CDH13: variants seen among roughly 807,000 people sequenced by gnomAD.
CDH13 encodes cadherin 13, also known as cadherin-13.
CDH13 carries 24 observed loss-of-function variants against 63.8 expected under a neutral mutation model. That is an observed-to-expected ratio of 0.38 (90% CI 0.27 to 0.53). The LOEUF is 0.53. Among genes scored for constraint, CDH13 ranks in the 20% least tolerant of loss-of-function variants. CDH13 has a pLI of 0.85. For missense variants in CDH13, 1,049 were observed against 903.1 expected (o/e 1.16, Z -2.07); for synonymous variants, 503 against 355.3 (o/e 1.42, Z -4.67).
intron 1 of CDH13, among the ~76,000 whole-genome samples, chr16:82,657,171 TTA>T (rs35715061): frequency 0.17 from 25,481 of 152,028 alleles, 2,282 homozygotes; most frequent in Middle Eastern, 0.22. Flanking sequence ...CCTACATACA[TTA>T]TGTTTTTTTC....
intron 1 of CDH13, among the ~76,000 whole-genome samples, chr16:82,808,024 G>A (rs2037240140): frequency 6.6e-6 from 1 of 152,152 alleles, no homozygotes; most frequent in African/African-American, 2.4e-5. Context: ...TTCTTACTGA[G>A]CTCTAGGCAA....
Position 83,483,651 on chromosome 16 carries a change from G to C in CDH13, c.782-2826G>C, listed in dbSNP as rs146190992. ...GCCCTGGGTCAAGTGTACTTAACTG[G>C]AGACTGGTGTGGAATTGATGGGGTT... is the stretch of plus-strand genomic sequence containing the variant. On this transcript the variant is annotated intron_variant, in intron 6 of 13. Coordinates refer to ENST00000567109, the MANE Select transcript of CDH13 (RefSeq NM_001257.5). Among the ~76,000 whole-genome samples, 736 of 152,200 alleles carry C rather than the reference G, an allele frequency of 4.8e-3. 12 individuals carry two copies. Among genetic ancestry groups the C allele is most frequent in the African/African-American group, 0.017 (694 of 41,516 alleles).
At chr16:82,639,566 T>G (rs1909134051) in intron 1 of CDH13, 1 of 726,604 alleles carries the variant, frequency 1.4e-6, no homozygotes, top group Non-Finnish European at 2.3e-6. Flanking sequence ...CAAGCTACTC[T>G]TTGTAATTCT....
chr16:83,351,136 A>G (rs1040278394), intron 6 of CDH13, among the ~76,000 whole-genome samples: 1 of 152,282 alleles, frequency 6.6e-6, no homozygotes, highest in South Asian at 2.1e-4. Context: ...TACTTGTTGC[A>G]GTAACTGTGA....
chr16:83,571,591 T>A (rs1473693668), intron 7 of CDH13, among the ~76,000 whole-genome samples: 8 of 152,026 alleles, frequency 5.3e-5, no homozygotes, highest in Admixed American at 4.6e-4. Flanking sequence ...TACCAGATAA[T>A]CAAGAAATAT....
chr16:83,582,149 C>G (rs1335208433), intron 7 of CDH13, among the ~76,000 whole-genome samples: 2 of 152,254 alleles, frequency 1.3e-5, no homozygotes, highest in East Asian at 3.9e-4. Flanking sequence ...AGCAGGGTCC[C>G]AGGATCCTTG....
intron 6 of CDH13, among the ~76,000 whole-genome samples, chr16:83,449,972 C>T (rs2072837818): frequency 6.6e-6 from 1 of 152,164 alleles, no homozygotes; most frequent in African/African-American, 2.4e-5. Context: ...GACTGAATCA[C>T]CGGTCTTCGC....
chr16:83,509,719 G>A (rs934608922), intron 7 of CDH13, among the ~76,000 whole-genome samples: 1 of 152,246 alleles, frequency 6.6e-6, no homozygotes, highest in South Asian at 2.1e-4. Flanking sequence ...CCTTTTTGGT[G>A]GTAGTAAAAA....
At chr16:82,939,550 C>T (rs892195490) in intron 2 of CDH13, among the ~76,000 whole-genome samples, 6 of 152,106 alleles carry the variant, frequency 3.9e-5, no homozygotes, top group African/African-American at 1.4e-4. Context: ...AAAGCGAATA[C>T]TCAGGTGAGA....
intron 6 of CDH13, among the ~76,000 whole-genome samples, chr16:83,422,404 A>G (rs2071743888): frequency 6.6e-6 from 1 of 152,224 alleles, no homozygotes; most frequent in Admixed American, 6.5e-5. Flanking sequence ...ATCCAATTCT[A>G]AGTTGGACAC....
intron 1 of CDH13, among the ~76,000 whole-genome samples, chr16:82,631,715 T>C (rs1388058721): frequency 6.6e-6 from 1 of 152,214 alleles, no homozygotes; most frequent in African/African-American, 2.4e-5. Context: ...CACTCAGCAG[T>C]GGCCTTATTC....
chr16:83,215,986 C>G (rs936517799), intron 4 of CDH13, among the ~76,000 whole-genome samples: 23 of 144,366 alleles, frequency 1.6e-4, no homozygotes, highest in South Asian at 4.6e-4. Flanking sequence ...ATAAAAAGAC[C>G]ACCCCCCATA....
intron 1 of CDH13, among the ~76,000 whole-genome samples, chr16:82,636,137 A>G (rs1908625394): frequency 6.6e-6 from 1 of 152,184 alleles, no homozygotes; most frequent in South Asian, 2.1e-4. Flanking sequence ...ATAACTTGAC[A>G]GGCTTTGATG....
intron 6 of CDH13, among the ~76,000 whole-genome samples, chr16:83,485,454 G>C (rs534667487): frequency 6.6e-6 from 1 of 152,136 alleles, no homozygotes; most frequent in African/African-American, 2.4e-5. Context: ...TATGACTCTT[G>C]CTTGTTTGTG....
intron 2 of CDH13, among the ~76,000 whole-genome samples, chr16:83,030,729 A>G (rs1435258133): frequency 6.6e-6 from 1 of 150,982 alleles, no homozygotes; most frequent in African/African-American, 2.4e-5. Flanking sequence ...GAAGCAGAGC[A>G]CACACCTGAT....
intron 2 of CDH13, chr16:82,884,370 G>A: frequency 2.8e-6 from 1 of 358,416 alleles, no homozygotes; most frequent in Admixed American, 3.7e-5. Context: ...TTCTAACCAG[G>A]AGAGCTGACA....
intron 10 of CDH13, among the ~76,000 whole-genome samples, chr16:83,744,940 G>T (rs1912430168): frequency 6.6e-6 from 1 of 152,184 alleles, no homozygotes; most frequent in Non-Finnish European, 1.5e-5. Context: ...GTGACAGCAG[G>T]CCTTGGCACC....
intron 10 of CDH13, among the ~76,000 whole-genome samples, chr16:83,713,387 C>G (rs145833097): frequency 6.6e-6 from 1 of 152,008 alleles, no homozygotes; most frequent in East Asian, 1.9e-4. Flanking sequence ...TTGACAAAGC[C>G]ACACTGGTTT....
intron 1 of CDH13, among the ~76,000 whole-genome samples, chr16:82,662,036 G>A (rs60407766): frequency 0.097 from 14,819 of 152,266 alleles, 896 homozygotes; most frequent in East Asian, 0.24. Context: ...ATGTGCAGAT[G>A]TAGGACATCC....
Sources: allele counts gnomAD v4.1 joint callset (sites outside exome capture counted in the v4.1 genomes callset), GRCh38; gene constraint gnomAD v4.1.1; transcripts MANE v1.5; gene names NCBI Gene and HGNC (gene_info 2026-07-23, HGNC 2026-07-21).